ITCH: variants seen among roughly 807,000 people sequenced by gnomAD.
The protein encoded by ITCH is E3 ubiquitin-protein ligase Itchy homolog.
In ITCH, 28 loss-of-function variants were observed where a neutral mutation model predicts 126.8. The ratio of observed to expected loss-of-function variants is 0.22; its 90% CI spans 0.16 to 0.30. The LOEUF (loss-of-function observed/expected upper bound fraction) is 0.30, where lower values mean the gene tolerates loss of function less well. Among genes scored for constraint, ITCH ranks in the 10% least tolerant of loss-of-function variants. ITCH has a pLI of 1.00. For synonymous variants in ITCH, 342 were observed against 340.0 expected, an observed-to-expected ratio of 1.01 and a Z score of -0.06; for missense variants, 631 against 1,032.4, an observed-to-expected ratio of 0.61 and a Z score of 5.33.
At chr20:34,408,905 CTCTT>C (rs1490418096) in intron 4 of ITCH, 113 bp downstream of exon 4, 9 of 1,070,422 alleles carry the variant, frequency 8.4e-6, no homozygotes, top group African/African-American at 6.6e-5. Flanking sequence ...CCTCCTTTCT[CTCTT>C]CTTTTTTTTT....
intron 14 of ITCH, among the ~76,000 whole-genome samples, chr20:34,469,222 A>AACAC (rs34998924): frequency 2.1e-3 from 316 of 149,232 alleles, no homozygotes; most frequent in African/African-American, 5.7e-3. Flanking sequence ...GCAAATTATA[A>AACAC]ACACACACAC....
At chr20:34,485,010 T>G (rs1436994126) in intron 20 of ITCH, among the ~76,000 whole-genome samples, 2 of 152,258 alleles carry the variant, frequency 1.3e-5, no homozygotes, top group Non-Finnish European at 2.9e-5. Context: ...GTTTCTGATC[T>G]TAAACTTCCT....
At chr20:34,404,298 A>G (rs1305746903) in intron 3 of ITCH, among the ~76,000 whole-genome samples, 1 of 152,102 alleles carries the variant, frequency 6.6e-6, no homozygotes, top group Non-Finnish European at 1.5e-5. Context: ...TATTATGACT[A>G]TAACACAAGG....
chr20:34,484,517 T>C (rs556213390), intron 20 of ITCH, among the ~76,000 whole-genome samples: 1 of 152,358 alleles, frequency 6.6e-6, no homozygotes, highest in East Asian at 1.9e-4. Flanking sequence ...GATTTTCTTA[T>C]GACATATATA....
At chr20:34,491,127 T>C (rs1989478845) in intron 22 of ITCH, among the ~76,000 whole-genome samples, 1 of 152,194 alleles carries the variant, frequency 6.6e-6, no homozygotes, top group Non-Finnish European at 1.5e-5. Context: ...CAACTTATGA[T>C]GGAGTAATAA....
chr20:34,495,316 TACACACGC>T (rs1989802513), intron 23 of ITCH, among the ~76,000 whole-genome samples: 1 of 132,264 alleles, frequency 7.6e-6, no homozygotes, highest in Non-Finnish European at 1.6e-5. Flanking sequence ...TATATATATA[TACACACGC>T]ACACACACAC....
intron 6 of ITCH, among the ~76,000 whole-genome samples, chr20:34,415,542 A>G (rs1297187923): frequency 6.6e-6 from 1 of 152,050 alleles, no homozygotes; most frequent in Admixed American, 6.6e-5. Flanking sequence ...TGGGTGACAG[A>G]GTGAGACTCT....
chr20:34,489,480 G>A lies in ITCH; in HGVS notation c.2214+94G>A. The A allele has an allele frequency of 4.0e-6, 5 of 1,254,128 alleles. No homozygotes were observed. The South Asian group carries it at 4.8e-5, about 12-fold the overall frequency. 77.7% of individuals were successfully genotyped at this position (1,254,128 alleles called of 1,614,324 possible). A position where few individuals can be genotyped will look rare whatever the true frequency, so the allele number is the denominator to read the frequency against. ...TCACTTTCCCATCTTTCCTGTTACT[G>A]TAATATTTTTATACTGGGGCAAAAT... is the stretch of plus-strand genomic sequence containing the variant. On this transcript the variant is annotated intron_variant, in intron 21 of 24. Transcript: ENST00000374864.
chr20:34,445,342 A>C lies in ITCH; in HGVS notation c.1021A>C (p.Arg341=). The C allele has an allele frequency of 6.2e-7, 1 of 1,613,962 alleles. No homozygotes were observed. The highest frequency in any genetic ancestry group is 8.5e-7 in the Non-Finnish European group (1 of 1,180,014). The change falls in exon 11 of 25, where the codon AGA becomes CGA. Residue 341 remains arginine, a synonymous_variant. Coordinates refer to ENST00000374864, the MANE Select transcript of ITCH (RefSeq NM_031483.7). ...GRIYYVDHFT[R]TTTWQRPTLE... ...TATTTATTATGTTGACCATTTCACA[A>C]GAACAACAACGTGGCAGAGGCCAAC...
At chr20:34,438,312 A>C (rs1030750665) in intron 7 of ITCH, among the ~76,000 whole-genome samples, 162 bp from the exon 8 acceptor site, 10 of 152,234 alleles carry the variant, frequency 6.6e-5, no homozygotes, top group African/African-American at 2.4e-4. Flanking sequence ...GATTCTACCC[A>C]AAGGCTCTTT....
intron 6 of ITCH, among the ~76,000 whole-genome samples, chr20:34,422,229 T>C (rs1352957187): frequency 6.6e-6 from 1 of 152,212 alleles, no homozygotes; most frequent in African/African-American, 2.4e-5. Context: ...AGTGTACTTT[T>C]GTAAGGTCAC....
chr20:34,392,280 A>G (rs1020883305), intron 2 of ITCH, among the ~76,000 whole-genome samples: 1 of 152,214 alleles, frequency 6.6e-6, no homozygotes, highest in East Asian at 1.9e-4. Context: ...TTTACCTTTC[A>G]TATTTAAAAT....
chr20:34,451,406 G>A (rs944104430), intron 12 of ITCH, among the ~76,000 whole-genome samples: 3 of 152,042 alleles, frequency 2.0e-5, no homozygotes, highest in Non-Finnish European at 4.4e-5. Context: ...GCTTCAGAGA[G>A]TCGAGATCAC....
chr20:34,427,430 A>G (rs1348371935), intron 7 of ITCH, among the ~76,000 whole-genome samples: 2 of 152,236 alleles, frequency 1.3e-5, no homozygotes, highest in East Asian at 3.9e-4. Context: ...TACAGAAAAC[A>G]AAACAAAACA....
chr20:34,397,902 G>A (rs1173246942), intron 3 of ITCH, among the ~76,000 whole-genome samples: 1 of 151,066 alleles, frequency 6.6e-6, no homozygotes, highest in African/African-American at 2.4e-5. Flanking sequence ...ATTTTTTACT[G>A]ATTTAAAAAA....
At position 34,457,451 on chromosome 20, in the gene ITCH, A is replaced by G. The variant is rs749700496; in HGVS notation, c.1272A>G (p.Gln424=). The change falls in exon 13 of 25, where the codon CAA becomes CAG. Residue 424 remains glutamine, a synonymous_variant. Transcript: ENST00000374864. ...TCAACCACAACACACGAATTACACA[A>G]TGGGAAGACCCCAGAAGTCAAGGGT... ...YFVNHNTRIT[Q]WEDPRSQGQL... is the part of the protein sequence containing the mutation. 51 of 1,611,604 alleles carry G rather than the reference A, an allele frequency of 3.2e-5. No homozygotes were observed. The highest frequency in any genetic ancestry group is 3.7e-5 in the Non-Finnish European group (43 of 1,177,954).
chr20:34,375,847 T>C (rs890488008), intron 2 of ITCH, among the ~76,000 whole-genome samples: 2 of 151,452 alleles, frequency 1.3e-5, no homozygotes, highest in Non-Finnish European at 2.9e-5. Flanking sequence ...ATCCCGTCAT[T>C]ATATTTTTCA....
chr20:34,423,647 A>G (rs1981099657), intron 6 of ITCH, among the ~76,000 whole-genome samples: 1 of 152,036 alleles, frequency 6.6e-6, no homozygotes, highest in African/African-American at 2.4e-5. Flanking sequence ...CTTGTTGCCC[A>G]GACTGGAGTG....
intron 20 of ITCH, among the ~76,000 whole-genome samples, chr20:34,486,653 CTATTTTATT>C (rs1052667043): frequency 2.9e-5 from 4 of 139,566 alleles, no homozygotes; most frequent in Non-Finnish European, 4.7e-5. Context: ...GTGTTTTTCA[CTATTTTATT>C]TATTTTATTT....
Sources: allele counts gnomAD v4.1 joint callset (sites outside exome capture counted in the v4.1 genomes callset), GRCh38; gene constraint gnomAD v4.1.1; transcripts MANE v1.5; gene names NCBI Gene and HGNC (gene_info 2026-07-23, HGNC 2026-07-21).